PLAGL1: variants seen among roughly 807,000 people sequenced by gnomAD.
The protein encoded by PLAGL1 is PLAG1 like zinc finger 1, also known as zinc finger protein PLAGL1.
Under a neutral mutation model 4.6 loss-of-function variants are expected in PLAGL1, and 1 was observed. That is an observed-to-expected ratio of 0.22 (90% CI 0.08 to 1.03). The LOEUF is 1.03. Among genes scored for constraint, PLAGL1 ranks in the 50% least tolerant of loss-of-function variants. PLAGL1 has a pLI of 0.58. For synonymous variants in PLAGL1, 240 were observed against 237.8 expected (o/e 1.01, Z -0.08); for missense variants, 464 against 570.4 (o/e 0.81, Z 1.90).
rs569238303 is a variant in PLAGL1, at chr6:144,064,200, G to A, written c.-151+268C>T. On this transcript the variant is annotated intron_variant, in intron 1 of 3. Coordinates refer to the PLAGL1 transcript ENST00000437412. This position sits in a 1 kb window ranked among gnomAD's most constrained non-coding sequence, Gnocchi z 6.8. ...AGCGCAGAAGCGAAGAGCTGCAGACGACGGAGAAAAGGGAAGCGCGCCCCA... is the reference window on the plus strand; with the variant it reads ...AGCGCAGAAGCGAAGAGCTGCAGACAACGGAGAAAAGGGAAGCGCGCCCCA... Among the ~76,000 whole-genome samples the A allele has an allele frequency of 7.9e-5, 12 of 152,156 alleles. No homozygotes were observed. Among genetic ancestry groups the A allele is most frequent in the African/African-American group, 2.6e-4 (11 of 41,530 alleles).
At position 143,981,371 on chromosome 6, in the gene PLAGL1, G is replaced by A. The variant is rs547493161; in HGVS notation, c.-544+3764C>T. Among the ~76,000 whole-genome samples the A allele has an allele frequency of 1.3e-3, 198 of 152,088 alleles. 1 individual carries two copies. Among genetic ancestry groups the A allele is most frequent in the African/African-American group, 4.5e-3 (186 of 41,496 alleles). The stretch of plus-strand genomic sequence containing the variant: ...TATGCATATGCACTAATCAGCACTC[G>A]GCTGAAGCCTCCAGGAGAGCCCTCT... On this transcript the variant is annotated intron_variant, in intron 2 of 7. Coordinates refer to ENST00000674357, the MANE Select transcript of PLAGL1 (RefSeq NM_001317162.2).
intron 1 of PLAGL1, among the ~76,000 whole-genome samples, chr6:144,040,243 T>C (rs995282143): frequency 6.6e-6 from 1 of 152,114 alleles, no homozygotes. Flanking sequence ...TAAAACAAGG[T>C]CTAGGCCAGG....
rs1014642750 is a variant in PLAGL1 at position 143,986,012 on chromosome 6, C to A, written c.-583-838G>T. Reference sequence around the variant, plus strand: ...TATATATATATATATATATATATATCATTTAATCCTTTTACCAAACCTTTG... The same window carrying A: ...TATATATATATATATATATATATATAATTTAATCCTTTTACCAAACCTTTG... On this transcript the variant is annotated intron_variant, in intron 1 of 7. Transcript: ENST00000674357. 1.3e-3 allele frequency among the ~76,000 whole-genome samples: 84 copies of A among 64,190 alleles called. 1 individual carries two copies. In the South Asian group the frequency reaches 0.025, roughly 19 times the overall value. The allele number at this position is 64,190 out of a possible 152,430, so 42.1% of individuals were successfully genotyped here. A position where few individuals can be genotyped will look rare whatever the true frequency, so the allele number is the denominator to read the frequency against.
At chr6:143,988,491 G>A (rs1789701683) in intron 1 of PLAGL1, among the ~76,000 whole-genome samples, 1 of 152,186 alleles carries the variant, frequency 6.6e-6, no homozygotes, top group Admixed American at 6.5e-5. Flanking sequence ...GCAAGACCTG[G>A]CATCAGGGGC....
rs1780261844 is a variant in PLAGL1 at position 143,948,328 on chromosome 6, C to T, written c.-192G>A. 1.8e-6 allele frequency: 1 copy of T among 560,982 alleles called. No individual in the cohort carries two copies. The highest frequency in any genetic ancestry group is 3.2e-6 in the Non-Finnish European group (1 of 310,792). 34.8% of individuals were successfully genotyped at this position (560,982 alleles called of 1,614,324 possible). ...TCTCAGCTGTCACTAGCTTTGCTTC[C>T]TGCTTTCACACATCCCAGTTTACAT... On this transcript the variant is annotated 5_prime_UTR_variant, in exon 7 of 8. Transcript: ENST00000674357. This position sits in a 1 kb window ranked among gnomAD's most constrained non-coding sequence, Gnocchi z 6.0.
At chr6:143,977,167 T>C (rs895676798) in intron 2 of PLAGL1, among the ~76,000 whole-genome samples, 8 of 147,392 alleles carry the variant, frequency 5.4e-5, no homozygotes, top group Non-Finnish European at 3.0e-5. Flanking sequence ...TAAACTTCCA[T>C]TGACACATCA....
intron 1 of PLAGL1, among the ~76,000 whole-genome samples, chr6:144,038,773 G>A (rs539064261): frequency 8.7e-4 from 132 of 152,306 alleles, no homozygotes; most frequent in Non-Finnish European, 6.0e-4. Flanking sequence ...AATGCCCAGA[G>A]TAGCCAAATC....
rs909888452 is a variant in PLAGL1 at position 143,994,911 on chromosome 6, G to A, written c.-583-9737C>T. Reference sequence around the variant, plus strand: ...TTAATTTCAGATTTTCTGAACTCACGGAGGTAATTGGACTATGTCACATCT... The same window carrying A: ...TTAATTTCAGATTTTCTGAACTCACAGAGGTAATTGGACTATGTCACATCT... On this transcript the variant is annotated intron_variant, in intron 1 of 7. Transcript: ENST00000674357. The surrounding 1 kb of genome is among the most constrained non-coding windows in gnomAD (Gnocchi z 4.3). Among the ~76,000 whole-genome samples, 3 of 152,124 alleles carry A rather than the reference G, an allele frequency of 2.0e-5. No homozygotes were observed. Among genetic ancestry groups the A allele is most frequent in the African/African-American group, 4.8e-5 (2 of 41,430 alleles).
chr6:144,050,690 G>T lies in PLAGL1; in HGVS notation c.-151+13778C>A, dbSNP rs1798516035. ...GGATCACTTGAGGCCAGGAGTTTGA[G>T]ACCAACCTGGGAAACATAGTGAGAC... is the stretch of plus-strand genomic sequence containing the variant. On this transcript the variant is annotated intron_variant, in intron 1 of 3. Transcript: ENST00000437412. The surrounding 1 kb of genome is among the most constrained non-coding windows in gnomAD (Gnocchi z 4.3). Among the ~76,000 whole-genome samples the T allele has an allele frequency of 6.6e-6, 1 of 152,150 alleles. No homozygotes were observed. Among genetic ancestry groups the T allele is most frequent in the South Asian group, 2.1e-4 (1 of 4,832 alleles).
chr6:143,992,730 C>T (rs1790736758), intron 1 of PLAGL1, among the ~76,000 whole-genome samples: 1 of 152,224 alleles, frequency 6.6e-6, no homozygotes, highest in South Asian at 2.1e-4. Context: ...TGGCTCATAG[C>T]ACCTTGGGAG....
chr6:143,969,472 C>T (rs1470302372), intron 2 of PLAGL1, among the ~76,000 whole-genome samples: 1 of 151,878 alleles, frequency 6.6e-6, no homozygotes, highest in Non-Finnish European at 1.5e-5. Context: ...AGTAAAAATA[C>T]AGCCTCAAGC....
intron 1 of PLAGL1, among the ~76,000 whole-genome samples, chr6:143,991,252 TTA>T (rs1790413975): frequency 6.6e-6 from 1 of 152,196 alleles, no homozygotes; most frequent in Non-Finnish European, 1.5e-5. Flanking sequence ...ATCTAAATAT[TTA>T]TGTTATAAAT....
intron 1 of PLAGL1, among the ~76,000 whole-genome samples, chr6:144,052,752 G>A (rs1407750480): frequency 6.6e-6 from 1 of 152,132 alleles, no homozygotes; most frequent in East Asian, 1.9e-4. Context: ...AAATGTGGGG[G>A]AGGGGGTTGT....
At position 143,978,656 on chromosome 6, in the gene PLAGL1, T is replaced by G. The variant is rs115025593; in HGVS notation, c.-544+6479A>C. Among the ~76,000 whole-genome samples the G allele has an allele frequency of 0.028, 4,339 of 152,306 alleles. 217 individuals are homozygous for G. The highest frequency in any genetic ancestry group is 0.098 in the African/African-American group (4,089 of 41,558). On this transcript the variant is annotated intron_variant, in intron 2 of 7. Coordinates refer to ENST00000674357, the MANE Select transcript of PLAGL1 (RefSeq NM_001317162.2). This position sits in a 1 kb window ranked among gnomAD's most constrained non-coding sequence, Gnocchi z 4.6. ...TTTCCAGATTCCTTTCTAATTTAAT[T>G]CCATTATGGTCAGTGAACACTCTTT...
At chr6:144,043,610 C>T (rs1797903655) in intron 1 of PLAGL1, among the ~76,000 whole-genome samples, 1 of 152,104 alleles carries the variant, frequency 6.6e-6, no homozygotes. Flanking sequence ...CATCGATGTT[C>T]ATCAGGGATA....
intron 1 of PLAGL1, among the ~76,000 whole-genome samples, chr6:144,018,386 G>T (rs1007673840): frequency 2.0e-5 from 3 of 152,190 alleles, no homozygotes; most frequent in Non-Finnish European, 4.4e-5. Flanking sequence ...GCGGGGGTGA[G>T]AGGATGGGGT....
intron 1 of PLAGL1, among the ~76,000 whole-genome samples, chr6:144,033,351 A>G (rs1796972991): frequency 6.6e-6 from 1 of 152,240 alleles, no homozygotes; most frequent in Non-Finnish European, 1.5e-5. Flanking sequence ...GGGCAGCAAT[A>G]GAAAACTAAT....
In PLAGL1 at chr6:143,945,113, TTTTAA is replaced by T; in HGVS notation, c.153-2455_153-2451del. Among the ~76,000 whole-genome samples the T allele has an allele frequency of 6.6e-6, 1 of 152,346 alleles. No individual in the cohort carries two copies. Among genetic ancestry groups the T allele is most frequent in the South Asian group, 2.1e-4 (1 of 4,828 alleles). On this transcript the variant is annotated intron_variant, in intron 7 of 7. Coordinates refer to ENST00000674357, the MANE Select transcript of PLAGL1 (RefSeq NM_001317162.2). This position sits in a 1 kb window ranked among gnomAD's most constrained non-coding sequence, Gnocchi z 4.2. ...CTTGCCTGGCATCTACTTCTTTCCC[TTTTAA>T]TTTATCCCTTACTTACTCAACAATC... is the stretch of plus-strand genomic sequence containing the variant.
chr6:144,040,862 C>T (rs920545759), intron 1 of PLAGL1, among the ~76,000 whole-genome samples: 1 of 152,104 alleles, frequency 6.6e-6, no homozygotes, highest in Non-Finnish European at 1.5e-5. Context: ...AGGTGACAGA[C>T]TGAGACTCTG....
Sources: allele counts gnomAD v4.1 joint callset (sites outside exome capture counted in the v4.1 genomes callset), GRCh38; gene constraint gnomAD v4.1.1; non-coding constraint Gnocchi (gnomAD v3.1); transcripts MANE v1.5; gene names NCBI Gene and HGNC (gene_info 2026-07-23, HGNC 2026-07-21).